ERC2: variants seen among roughly 807,000 people sequenced by gnomAD.
ERC2 encodes the protein ELKS/RAB6-interacting/CAST family member 2, also known as ERC protein 2.
A neutral mutation model predicts 114.8 loss-of-function variants in ERC2; 42 were observed. That is an observed-to-expected ratio of 0.37 (90% confidence interval 0.29 to 0.47). The LOEUF is 0.47. Among genes scored for constraint, ERC2 ranks in the 20% least tolerant of loss-of-function variants. The pLI is 0.99. For synonymous variants in ERC2, 454 were observed against 425.5 expected (o/e 1.07, Z -0.82); for missense variants, 939 against 1,150.7 (o/e 0.82, Z 2.66).
intron 2 of ERC2, among the ~76,000 whole-genome samples, chr3:56,297,764 G>A (rs1362151586): frequency 6.6e-6 from 1 of 152,108 alleles, no homozygotes; most frequent in Non-Finnish European, 1.5e-5. Context: ...TAAGGCATGG[G>A]GTAATACTAT....
At chr3:55,708,860 G>C (rs1211180633) in intron 15 of ERC2, among the ~76,000 whole-genome samples, 1 of 106,206 alleles carries the variant, frequency 9.4e-6, no homozygotes, top group Admixed American at 8.6e-5. Context: ...GGAAGAGAAA[G>C]AGGAGAGAGA....
intron 17 of ERC2, among the ~76,000 whole-genome samples, chr3:55,584,060 C>T (rs2107578725): frequency 6.6e-6 from 1 of 152,292 alleles, no homozygotes; most frequent in South Asian, 2.1e-4. Flanking sequence ...AAAGAGCTAA[C>T]ACATGGAAAG....
chr3:56,204,740 A>G (rs2048612878), intron 3 of ERC2, among the ~76,000 whole-genome samples: 2 of 151,916 alleles, frequency 1.3e-5, no homozygotes, highest in Admixed American at 1.3e-4. Flanking sequence ...TGACCTCATG[A>G]TCCACCTGCC....
intron 15 of ERC2, among the ~76,000 whole-genome samples, chr3:55,709,910 C>T (rs1191686649): frequency 1.3e-5 from 2 of 152,164 alleles, no homozygotes; most frequent in Admixed American, 1.3e-4. Context: ...GAACAAATCC[C>T]TCTCCCCAGC....
At chr3:55,738,333 A>G (rs965383055) in intron 14 of ERC2, among the ~76,000 whole-genome samples, 2 of 152,200 alleles carry the variant, frequency 1.3e-5, no homozygotes, top group African/African-American at 4.8e-5. Context: ...TCAAGGTGAC[A>G]GGATGAATAA....
At chr3:56,134,181 T>C (rs1445278906) in intron 6 of ERC2, among the ~76,000 whole-genome samples, 1 of 152,222 alleles carries the variant, frequency 6.6e-6, no homozygotes, top group African/African-American at 2.4e-5. Flanking sequence ...TATTTTAGTC[T>C]TCAAGGGAGC....
chr3:55,911,443 C>A (rs1183647893), intron 13 of ERC2, among the ~76,000 whole-genome samples: 3 of 152,116 alleles, frequency 2.0e-5, no homozygotes, highest in East Asian at 3.9e-4. Context: ...GGCTAGTCTG[C>A]CGCTGATGGC....
chr3:55,870,825 C>CA (rs2062549943), intron 14 of ERC2, among the ~76,000 whole-genome samples: 1 of 152,252 alleles, frequency 6.6e-6, no homozygotes, highest in African/African-American at 2.4e-5. Flanking sequence ...AGCCAACTCT[C>CA]AACAGAACTG....
intron 13 of ERC2, among the ~76,000 whole-genome samples, chr3:55,942,362 C>T (rs1005244204): frequency 3.0e-5 from 4 of 132,392 alleles, no homozygotes; most frequent in South Asian, 5.0e-4. Flanking sequence ...GATCTCGGCT[C>T]ACTGCAAGCT....
chr3:55,942,179 C>A (rs185555271), intron 13 of ERC2, among the ~76,000 whole-genome samples: 33 of 145,898 alleles, frequency 2.3e-4, no homozygotes, highest in Non-Finnish European at 4.5e-4. Context: ...CCTCTAGGAT[C>A]GTGGGCAGGT....
chr3:56,162,935 T>C (rs1298376275), intron 4 of ERC2, among the ~76,000 whole-genome samples: 3 of 152,088 alleles, frequency 2.0e-5, no homozygotes, highest in African/African-American at 7.2e-5. Flanking sequence ...CTTGTTTTTC[T>C]AGTTTTTCTA....
intron 10 of ERC2, among the ~76,000 whole-genome samples, chr3:55,999,264 C>A (rs756505970): frequency 4.6e-5 from 7 of 151,988 alleles, no homozygotes; most frequent in Non-Finnish European, 1.0e-4. Flanking sequence ...AGTTAAGCTG[C>A]AGAAAGGTTA....
intron 17 of ERC2, among the ~76,000 whole-genome samples, chr3:55,663,553 G>A (rs1182014078): frequency 6.6e-6 from 1 of 152,120 alleles, no homozygotes; most frequent in Non-Finnish European, 1.5e-5. Context: ...CTATGCCCCA[G>A]CCCCCACCTC....
chr3:55,650,207 G>A (rs2060557545), intron 17 of ERC2, among the ~76,000 whole-genome samples: 1 of 152,208 alleles, frequency 6.6e-6, no homozygotes, highest in African/African-American at 2.4e-5. Flanking sequence ...CACGGTGATT[G>A]TCATGCTTCT....
intron 17 of ERC2, among the ~76,000 whole-genome samples, chr3:55,557,162 T>C (rs957394595): frequency 2.6e-5 from 4 of 152,296 alleles, no homozygotes; most frequent in South Asian, 2.1e-4. Flanking sequence ...AAAGGATTCA[T>C]GGAGATGGCT....
chr3:56,397,192 T>C, intron 2 of ERC2, among the ~76,000 whole-genome samples: 1 of 152,032 alleles, frequency 6.6e-6, no homozygotes, highest in Non-Finnish European at 1.5e-5. Context: ...AAAGATACAG[T>C]TAAAAAATGG....
intron 14 of ERC2, among the ~76,000 whole-genome samples, chr3:55,737,248 G>A (rs914628315): frequency 2.6e-5 from 4 of 152,282 alleles, no homozygotes; most frequent in East Asian, 3.9e-4. Flanking sequence ...TGAAGCTCAC[G>A]CAGATGTGTG....
At chr3:55,897,820 G>GAA (rs2063916019) in intron 13 of ERC2, among the ~76,000 whole-genome samples, 1 of 152,070 alleles carries the variant, frequency 6.6e-6, no homozygotes. Context: ...ACACCTTTTG[G>GAA]AAAAGGTTGA....
At chr3:56,256,905 G>A (rs2052555248) in intron 3 of ERC2, among the ~76,000 whole-genome samples, 1 of 152,158 alleles carries the variant, frequency 6.6e-6, no homozygotes, top group Admixed American at 6.5e-5. Context: ...GCAGAACTGT[G>A]AGTCAATTAA....
Sources: gnomAD v4.1 joint callset for allele counts (sites outside exome capture counted in the v4.1 genomes callset) on GRCh38, gnomAD v4.1.1 for gene constraint, MANE v1.5 for transcripts, NCBI Gene and HGNC (gene_info 2026-07-23, HGNC 2026-07-21) for gene names.